Variants in DNMBP observed in about 807,000 individuals in gnomAD.
DNMBP encodes the protein dynamin binding protein, also known as dynamin-binding protein.
In DNMBP, 87 loss-of-function variants were observed where a neutral mutation model predicts 150.0. The ratio of observed to expected loss-of-function variants is 0.58; its 90% CI spans 0.49 to 0.69. The LOEUF (loss-of-function observed/expected upper bound fraction) is 0.69, where lower values mean the gene tolerates loss of function less well. Among genes scored for constraint, DNMBP ranks in the 30% least tolerant of loss-of-function variants. The pLI is 0.00. For synonymous variants in DNMBP, 711 were observed against 750.4 expected (o/e 0.95, Z 0.86); for missense variants, 1,774 against 1,949.0 (o/e 0.91, Z 1.69).
rs775531137 is a variant in DNMBP at position 99,877,128 on chromosome 10, G to A, written c.*23C>T. On this transcript the variant is annotated 3_prime_UTR_variant, in exon 17 of 17. Coordinates refer to ENST00000324109, the MANE Select transcript of DNMBP (RefSeq NM_015221.4). ...GCGGACTGAAAGCAAAGGCAGCAAG[G>A]CTGGGTGGCAGGCAACGTGGGCTCA... 2.8e-5 allele frequency: 45 copies of A among 1,590,760 alleles called. No homozygotes were observed. Among genetic ancestry groups the A allele is most frequent in the Non-Finnish European group, 3.7e-5 (43 of 1,168,134 alleles).
Position 99,876,063 on chromosome 10 carries a change from T to C in DNMBP, c.*1088A>G, listed in dbSNP as rs567224071. Reference sequence around the variant, plus strand: ...ACAGGTGTTATGTTGTCTGCATCTATGGATGTAACTAAACAGTCATTAGGG... The same window carrying C: ...ACAGGTGTTATGTTGTCTGCATCTACGGATGTAACTAAACAGTCATTAGGG... On this transcript the variant is annotated 3_prime_UTR_variant, in exon 17 of 17. Transcript: ENST00000324109. 5.3e-5 allele frequency: 8 copies of C among 152,352 alleles called. No individual in the cohort carries two copies. Among genetic ancestry groups the C allele is most frequent in the East Asian group, 1.9e-4 (1 of 5,194 alleles). The allele number at this position is 152,352 out of a possible 1,614,324, so 9.4% of individuals were successfully genotyped here.
At chr10:99,992,651 C>G (rs1050448169) in intron 1 of DNMBP, among the ~76,000 whole-genome samples, 1 of 151,086 alleles carries the variant, frequency 6.6e-6, no homozygotes, top group Non-Finnish European at 1.5e-5. Context: ...CTTAGCCTCC[C>G]GAGTAGCTGG....
At chr10:99,920,905 C>T (rs1458017448) in intron 4 of DNMBP, among the ~76,000 whole-genome samples, 2 of 152,094 alleles carry the variant, frequency 1.3e-5, no homozygotes, top group South Asian at 2.1e-4. Context: ...GGCTCCAACT[C>T]GTGAGCTCAA....
chr10:99,978,037 T>C (rs1048050832), intron 1 of DNMBP, among the ~76,000 whole-genome samples: 2 of 152,188 alleles, frequency 1.3e-5, no homozygotes, highest in Non-Finnish European at 2.9e-5. Context: ...TGTATGATTA[T>C]CTACCAAGTG....
chr10:99,968,565 G>A (rs1336980022), intron 3 of DNMBP, among the ~76,000 whole-genome samples: 5 of 152,006 alleles, frequency 3.3e-5, no homozygotes, highest in African/African-American at 1.2e-4. Context: ...GCACGTGCCT[G>A]CGGTCCCAGC....
chr10:99,997,484 A>G (rs1250306448), intron 1 of DNMBP, among the ~76,000 whole-genome samples: 1 of 152,174 alleles, frequency 6.6e-6, no homozygotes, highest in Non-Finnish European at 1.5e-5. Context: ...GGAGGCCTGA[A>G]TAACTTGGAA....
At chr10:99,916,366 G>A (rs1021701768) in intron 4 of DNMBP, among the ~76,000 whole-genome samples, 1 of 152,260 alleles carries the variant, frequency 6.6e-6, no homozygotes, top group Non-Finnish European at 1.5e-5. Context: ...AGGAGGCTGA[G>A]GCAGGAGAAT....
intron 1 of DNMBP, among the ~76,000 whole-genome samples, chr10:99,989,801 C>T (rs2040867059): frequency 1.9e-5 from 1 of 52,924 alleles, no homozygotes; most frequent in South Asian, 4.5e-4. Context: ...CTATGTACCC[C>T]CTCTTCTATT....
At chr10:99,884,286 A>G in intron 14 of DNMBP, 77 bp from the exon 15 acceptor site, 1 of 1,328,878 alleles carries the variant, frequency 7.5e-7, no homozygotes, top group Non-Finnish European at 1.1e-6. Flanking sequence ...ACATGTGGCC[A>G]GTCTCAGAAA....
chr10:99,978,556 G>C (rs1016772202), intron 1 of DNMBP, among the ~76,000 whole-genome samples: 1 of 152,028 alleles, frequency 6.6e-6, no homozygotes, highest in Non-Finnish European at 1.5e-5. Flanking sequence ...CTTAACTAGA[G>C]TCCAATATTT....
intron 1 of DNMBP, among the ~76,000 whole-genome samples, chr10:99,978,380 T>C (rs540988142): frequency 6.6e-6 from 1 of 152,332 alleles, no homozygotes; most frequent in African/African-American, 2.4e-5. Context: ...ACCTAGATTC[T>C]AGCATTAACA....
chr10:99,936,310 A>C (rs1447646891), intron 4 of DNMBP, among the ~76,000 whole-genome samples: 1 of 152,100 alleles, frequency 6.6e-6, no homozygotes, highest in African/African-American at 2.4e-5. Context: ...CTAACTGTTC[A>C]GCTTACATTT....
intron 4 of DNMBP, chr10:99,929,640 G>C (rs1220821795): frequency 1.4e-6 from 1 of 692,970 alleles, no homozygotes; most frequent in African/African-American, 1.8e-5. Context: ...CACGAACTCT[G>C]AGCGCCTCAG....
intron 3 of DNMBP, among the ~76,000 whole-genome samples, chr10:99,960,482 AT>A (rs1324225354): frequency 1.3e-5 from 2 of 152,066 alleles, no homozygotes; most frequent in Non-Finnish European, 2.9e-5. Flanking sequence ...GTTATCTTTT[AT>A]GCTCTTGATT....
At chr10:99,889,876 A>G (rs543418474) in intron 11 of DNMBP, among the ~76,000 whole-genome samples, 1 of 152,282 alleles carries the variant, frequency 6.6e-6, no homozygotes, top group Non-Finnish European at 1.5e-5. Flanking sequence ...TAGAACCAAG[A>G]TGATTCCTAT....
In DNMBP at chr10:99,896,401, G is replaced by A; in HGVS notation, c.2921-4C>T. 1 of 1,614,090 alleles carries A rather than the reference G, an allele frequency of 6.2e-7. No individual in the cohort carries two copies. Among genetic ancestry groups the A allele is most frequent in the Non-Finnish European group, 8.5e-7 (1 of 1,179,986 alleles). On this transcript the variant is annotated splice_polypyrimidine_tract_variant and splice_region_variant and intron_variant, in intron 9 of 16. Transcript: ENST00000324109. ...TCACCCTTACGGTACTTGAGGACTA[G>A]GGAGTAAGTCAGAAAAGCACTTTCC... is the stretch of plus-strand genomic sequence containing the variant.
rs1407020927 is a variant in DNMBP, at chr10:99,900,149, A to G, written c.2555-83T>C. 3 of 1,407,500 alleles carry G rather than the reference A, an allele frequency of 2.1e-6. No individual in the cohort carries two copies. The Admixed American group carries it at 5.4e-5, about 25-fold the overall frequency. The allele number at this position is 1,407,500 out of a possible 1,614,324, so 87.2% of individuals were successfully genotyped here. ...AATGTAAGGTACACAGCCAAACTTT[A>G]GTACCAGCTAAATCCTACCTATTAC... On this transcript the variant is annotated intron_variant, in intron 6 of 16. Coordinates refer to ENST00000324109, the MANE Select transcript of DNMBP (RefSeq NM_015221.4).
At chr10:99,922,197 C>G (rs1016903546) in intron 4 of DNMBP, among the ~76,000 whole-genome samples, 4 of 152,082 alleles carry the variant, frequency 2.6e-5, no homozygotes, top group African/African-American at 9.7e-5. Flanking sequence ...ACTGTGGTAT[C>G]AGGGCGAATG....
At chr10:99,938,100 A>T (rs1564738830) in intron 4 of DNMBP, among the ~76,000 whole-genome samples, 1 of 152,258 alleles carries the variant, frequency 6.6e-6, no homozygotes, top group Non-Finnish European at 1.5e-5. Context: ...ATCCAATTAA[A>T]AGATTAAACT....
Sources: allele counts gnomAD v4.1 joint callset (sites outside exome capture counted in the v4.1 genomes callset), GRCh38; gene constraint gnomAD v4.1.1; transcripts MANE v1.5; gene names NCBI Gene and HGNC (gene_info 2026-07-23, HGNC 2026-07-21).